Variants in ARHGEF10 observed in about 807,000 individuals in gnomAD.
ARHGEF10 encodes the protein Rho guanine nucleotide exchange factor 10.
A neutral mutation model predicts 147.4 loss-of-function variants in ARHGEF10; 140 were observed. The observed-to-expected ratio is 0.95, with a 90% CI of 0.83 to 1.09. The LOEUF (loss-of-function observed/expected upper bound fraction) is 1.09. Ranked by LOEUF, ARHGEF10 falls within the 50% of genes least tolerant of loss-of-function variation. The probability of loss-of-function intolerance (pLI) is 0.00; values close to 1 mark genes in which losing one functional copy is unlikely to be tolerated. For missense variants in ARHGEF10, 2,222 were observed against 1,752.7 expected, an observed-to-expected ratio of 1.27 and a Z score of -4.78; for synonymous variants, 902 against 695.8, an observed-to-expected ratio of 1.30 and a Z score of -4.67.
chr8:1,936,766 C>G (rs1289603280), intron 26 of ARHGEF10, among the ~76,000 whole-genome samples: 1 of 152,220 alleles, frequency 6.6e-6, no homozygotes, highest in East Asian at 1.9e-4. Flanking sequence ...TATTTGCACA[C>G]ACTGACGAGA....
At chr8:1,928,780 AG>A in intron 24 of ARHGEF10, 130 bp downstream of exon 24, 1 of 1,037,632 alleles carries the variant, frequency 9.6e-7, no homozygotes, top group Non-Finnish European at 1.4e-6. Flanking sequence ...AGGGGATACC[AG>A]GGGAAATTTT....
intron 26 of ARHGEF10, among the ~76,000 whole-genome samples, chr8:1,938,421 A>G (rs1302146863): frequency 6.6e-6 from 1 of 152,208 alleles, no homozygotes; most frequent in Non-Finnish European, 1.5e-5. Flanking sequence ...ATTTTCTGCA[A>G]TATGCAGTGC....
At chr8:1,834,048 A>T (rs567488646) in intron 1 of ARHGEF10, among the ~76,000 whole-genome samples, 1 of 152,306 alleles carries the variant, frequency 6.6e-6, no homozygotes, top group African/African-American at 2.4e-5. Flanking sequence ...GCCTGCTGCG[A>T]CTGCAGAGGC....
In ARHGEF10 at chr8:1,897,507, C is replaced by T. The variant is rs867385720; in HGVS notation, c.1558-926C>T. ...GGATCGCAGTTCCCCCTCTGGACAG[C>T]TGTGGGCTCTGTCCTAAGGCATCGG... On this transcript the variant is annotated intron_variant, in intron 14 of 28. Transcript: ENST00000349830. Among the ~76,000 whole-genome samples the T allele has an allele frequency of 3.1e-4, 42 of 135,366 alleles. No individual in the cohort carries two copies. In the East Asian group the frequency reaches 3.3e-3, roughly 11 times the overall value. 88.8% of individuals were successfully genotyped at this position (135,366 alleles called of 152,430 possible). A position where few individuals can be genotyped will look rare whatever the true frequency, so the allele number is the denominator to read the frequency against.
intron 2 of ARHGEF10, 78 bp from the exon 3 acceptor site, chr8:1,857,877 TCGATC>T (rs1563185447): frequency 1.1e-6 from 1 of 896,398 alleles, no homozygotes; most frequent in Non-Finnish European, 1.6e-6. Flanking sequence ...CATAGATCGA[TCGATC>T]TATCTATCTA....
rs1460567192 is a variant in ARHGEF10 at position 1,957,464 on chromosome 8, A to G, written c.*201A>G. On this transcript the variant is annotated 3_prime_UTR_variant, in exon 29 of 29. Transcript: ENST00000349830. ...CTTCTGTACAGCAGAAGTAATTACA[A>G]GCACTTCTCACGAAGGCAGAAGACT... The G allele has an allele frequency of 4.0e-6, 3 of 750,876 alleles. No individual in the cohort carries two copies. The highest frequency in any genetic ancestry group is 6.3e-6 in the Non-Finnish European group (3 of 474,500). The allele number at this position is 750,876 out of a possible 1,614,324, so 46.5% of individuals were successfully genotyped here.
At chr8:1,850,982 A>G (rs924503827) in intron 2 of ARHGEF10, among the ~76,000 whole-genome samples, 1 of 151,110 alleles carries the variant, frequency 6.6e-6, no homozygotes, top group African/African-American at 2.4e-5. Context: ...ACCACGTGAC[A>G]TTCTAGAAAA....
At chr8:1,910,596 A>G (rs1334448827) in intron 18 of ARHGEF10, among the ~76,000 whole-genome samples, 2 of 152,190 alleles carry the variant, frequency 1.3e-5, no homozygotes, top group East Asian at 1.9e-4. Flanking sequence ...GGGGGGTGGT[A>G]TGGAGAGCGA....
rs1811179422 is a variant in ARHGEF10 at position 1,909,399 on chromosome 8, CG to C, written c.2075del (p.Gly692AlafsTer44). On this transcript the variant is annotated frameshift_variant, in exon 18 of 29. Coordinates refer to ENST00000349830, the MANE Select transcript of ARHGEF10 (RefSeq NM_014629.4). LOFTEE classifies it high-confidence loss of function. ...DAIEYGSSAG[T>X]GEHSRHLAVH... ...ATCGAGTATGGCAGCAGCGCAGGCA[CG>C]GGCGAGCACAGCAGGCACCTTGCCG... 4.3e-6 allele frequency: 7 copies of C among 1,614,004 alleles called. No homozygotes were observed. The highest frequency in any genetic ancestry group is 1.3e-5 in the African/African-American group (1 of 74,934).
chr8:1,857,922 C>G (rs774547207), intron 2 of ARHGEF10, 38 bp from the exon 3 acceptor site: 15 of 1,489,328 alleles, frequency 1.0e-5, no homozygotes, highest in Middle Eastern at 1.7e-4. Context: ...ATCTATCTAT[C>G]TATCTCTCCT....
At chr8:1,900,044 TCACA>T (rs768350929) in intron 15 of ARHGEF10, among the ~76,000 whole-genome samples, 17 of 152,244 alleles carry the variant, frequency 1.1e-4, no homozygotes, top group Non-Finnish European at 2.4e-4. Flanking sequence ...TGTTGTGAGG[TCACA>T]CACGTTGTTG....
chr8:1,843,410 G>T lies in ARHGEF10; in HGVS notation c.11G>T (p.Arg4Leu). The change falls in exon 2 of 29, where the codon CGA (arginine) becomes CTA (leucine). Residue 4 changes from arginine to leucine, a missense_variant. Transcript: ENST00000349830. ...ATCTGGAGCTGCAGCATGGACCAGC[G>T]AGAGCCCCTGCCTCCCGCTCCTGCA... MDQ[R>L]EPLPPAPAEN... 6.2e-7 allele frequency: 1 copy of T among 1,613,188 alleles called. No individual in the cohort carries two copies. The highest frequency in any genetic ancestry group is 8.5e-7 in the Non-Finnish European group (1 of 1,179,980).
chr8:1,909,726 G>C (rs1811217038), intron 18 of ARHGEF10, among the ~76,000 whole-genome samples: 1 of 152,178 alleles, frequency 6.6e-6, no homozygotes, highest in Non-Finnish European at 1.5e-5. Context: ...AGTCAGAAGT[G>C]GATTCCGTCT....
chr8:1,952,884 T>C (rs1391494000), intron 28 of ARHGEF10, 57 bp downstream of exon 28: 3 of 1,610,728 alleles, frequency 1.9e-6, no homozygotes, highest in Non-Finnish European at 2.5e-6. Context: ...TCGTGGAGCA[T>C]AGCAGTGTGT....
rs116982028 is a variant in ARHGEF10, at chr8:1,937,633, G to A, written c.3222+3691G>A. ...CTGAAAACATGATATTCATCCTGTC[G>A]TTCCCGTTGTGCAGGGGAACTGTGG... On this transcript the variant is annotated intron_variant, in intron 26 of 28. Transcript: ENST00000349830. This position sits in a 1 kb window ranked among gnomAD's most constrained non-coding sequence, Gnocchi z 4.9. Among the ~76,000 whole-genome samples the A allele has an allele frequency of 0.024, 3,667 of 152,284 alleles. 83 individuals are homozygous for A. Among genetic ancestry groups the A allele is most frequent in the Non-Finnish European group, 0.033 (2,254 of 68,020 alleles).
chr8:1,833,307 GAGACAGAA>G (rs199636867), intron 1 of ARHGEF10, among the ~76,000 whole-genome samples: 15 of 108,544 alleles, frequency 1.4e-4, no homozygotes, highest in Admixed American at 8.4e-4. Flanking sequence ...GACAGAGGCA[GAGACAGAA>G]GCAGAGGGAG....
chr8:1,857,883 T>TATCTATCG lies in ARHGEF10; in HGVS notation c.38-70_38-69insGATCTATC, dbSNP rs1554477762. On this transcript the variant is annotated intron_variant, in intron 2 of 28. Coordinates refer to ENST00000349830, the MANE Select transcript of ARHGEF10 (RefSeq NM_014629.4). ...TCTGGCTAACATAGATCGATCGATCTATCTATCTATCTATCTATCTATCTA... is the reference window on the plus strand; with the variant it reads ...TCTGGCTAACATAGATCGATCGATCTATCTATCGATCTATCTATCTATCTATCTATCTA... 8.4e-5 allele frequency: 51 copies of TATCTATCG among 608,540 alleles called. No individual in the cohort carries two copies. The Admixed American group carries it at 1.2e-3, about 15-fold the overall frequency. The allele number at this position is 608,540 out of a possible 1,614,324, so 37.7% of individuals were successfully genotyped here. A position where few individuals can be genotyped will look rare whatever the true frequency, so the allele number is the denominator to read the frequency against.
chr8:1,925,294 C>G lies in ARHGEF10; in HGVS notation c.2500C>G (p.His834Asp). 6.2e-7 allele frequency: 1 copy of G among 1,614,170 alleles called. No individual in the cohort carries two copies. The highest frequency in any genetic ancestry group is 8.5e-7 in the Non-Finnish European group (1 of 1,180,036). The change falls in exon 22 of 29, where the codon CAC (histidine) becomes GAC (aspartate). Residue 834 changes from histidine (H) to aspartate (D), a missense_variant. Physicochemically the swap from His to Asp is moderately conservative, Grantham distance 81. Coordinates refer to ENST00000349830, the MANE Select transcript of ARHGEF10 (RefSeq NM_014629.4). ...MAKLALEEEN[H>D]MGWFCVEDDG... ...GAATATAATTGCAGAAGAGGAGAAC[C>G]ACATGGGCTGGTTCTGTGTGGAAGA...
At position 1,858,215 on chromosome 8, in the gene ARHGEF10, A is replaced by AGTCCCCAGGTG. The variant is rs1163471376; in HGVS notation, c.193+101_193+111dup. 4.9e-3 allele frequency: 5,049 copies of AGTCCCCAGGTG among 1,027,690 alleles called. 66 individuals are homozygous for AGTCCCCAGGTG. Among genetic ancestry groups the AGTCCCCAGGTG allele is most frequent in the South Asian group, 0.013 (747 of 57,228 alleles). 63.7% of individuals were successfully genotyped at this position (1,027,690 alleles called of 1,614,324 possible). ...GAGTCACCAGGTGAGTTCCCAGGTG[A>AGTCCCCAGGTG]GTCCCCAGGTGAGTCCCCAGGTGGG... On this transcript the variant is annotated intron_variant, in intron 3 of 28. Coordinates refer to ENST00000349830, the MANE Select transcript of ARHGEF10 (RefSeq NM_014629.4).
Sources: allele counts gnomAD v4.1 joint callset (sites outside exome capture counted in the v4.1 genomes callset), GRCh38; gene constraint gnomAD v4.1.1; non-coding constraint Gnocchi (gnomAD v3.1); transcripts MANE v1.5; gene names NCBI Gene and HGNC (gene_info 2026-07-23, HGNC 2026-07-21).